The following GAS7 variants were observed in gnomAD, a reference collection of about 807,000 sequenced individuals.
The protein encoded by GAS7 is growth arrest-specific protein 7.
In GAS7, 28 loss-of-function variants were observed where a neutral mutation model predicts 71.1. The ratio of observed to expected loss-of-function variants is 0.39; its 90% confidence interval spans 0.29 to 0.54. The LOEUF (loss-of-function observed/expected upper bound fraction) is 0.54, where lower values mean the gene tolerates loss of function less well. Ranked by LOEUF, GAS7 falls within the 20% of genes least tolerant of loss-of-function variation. The probability of loss-of-function intolerance (pLI) is 0.62; values close to 1 mark genes in which losing one functional copy is unlikely to be tolerated. For missense variants in GAS7, 436 were observed against 627.8 expected, an observed-to-expected ratio of 0.69 and a Z score of 3.27; for synonymous variants, 258 against 245.8, an observed-to-expected ratio of 1.05 and a Z score of -0.46.
chr17:10,198,360 G>A lies in GAS7; in HGVS notation c.31C>T (p.Pro11Ser), dbSNP rs1294805086. The change falls in exon 1 of 14, where the codon CCC becomes TCC. Residue 11 changes from proline (P) to serine (S), a missense_variant. Pro to Ser is a moderately conservative substitution (Grantham distance 74). Transcript: ENST00000432992. ...TGGCCGTGCCGCTCCCCGGAGAAGG[G>A]GTACAGGGTCCGGCAGCGAGCGCCG... MSGARCRTLYPFSGERHGQGL... is the reference protein window; with the variant it reads MSGARCRTLYSFSGERHGQGL... 1.9e-6 allele frequency: 3 copies of A among 1,596,328 alleles called. No individual in the cohort carries two copies. Among genetic ancestry groups the A allele is most frequent in the Non-Finnish European group, 2.5e-6 (3 of 1,178,128 alleles).
chr17:9,947,036 G>A, intron 5 of GAS7, 53 bp from the exon 6 acceptor site: 1 of 1,247,364 alleles, frequency 8.0e-7, no homozygotes, highest in Non-Finnish European at 1.2e-6. Flanking sequence ...GGAATAGCGA[G>A]GAAGGCTTCG....
intron 1 of GAS7, among the ~76,000 whole-genome samples, chr17:10,137,422 T>C (rs2074047617): frequency 6.6e-6 from 1 of 151,768 alleles, no homozygotes; most frequent in Non-Finnish European, 1.5e-5. Context: ...ATAGCTTAGC[T>C]GACATGTATA....
intron 1 of GAS7, among the ~76,000 whole-genome samples, chr17:10,139,420 G>A (rs1352344239): frequency 1.3e-5 from 2 of 152,134 alleles, no homozygotes; most frequent in Middle Eastern, 3.2e-3. Flanking sequence ...ACTGTGAAAG[G>A]TCTGAGATTT....
chr17:10,039,451 G>A (rs534078230), intron 1 of GAS7, among the ~76,000 whole-genome samples: 2 of 152,220 alleles, frequency 1.3e-5, no homozygotes, highest in African/African-American at 2.4e-5. Flanking sequence ...GAAGGCTGAG[G>A]TAGGTGGATC....
intron 1 of GAS7, among the ~76,000 whole-genome samples, chr17:10,194,657 A>G (rs577033924): frequency 2.0e-4 from 30 of 152,162 alleles, no homozygotes; most frequent in Admixed American, 3.9e-4. Context: ...CTCTTCCTCT[A>G]CCATATCTCT....
intron 3 of GAS7, among the ~76,000 whole-genome samples, chr17:9,976,891 C>A (rs1487605719): frequency 6.6e-6 from 1 of 152,202 alleles, no homozygotes; most frequent in East Asian, 1.9e-4. Context: ...CACATTTGCA[C>A]TGTTGACACA....
intron 1 of GAS7, among the ~76,000 whole-genome samples, chr17:10,137,100 C>G (rs1215393285): frequency 6.9e-6 from 1 of 145,478 alleles, no homozygotes; most frequent in Admixed American, 7.0e-5. Context: ...GGCAACCGAG[C>G]GAGACCCAGC....
At chr17:9,921,211 C>A (rs2067795005) in intron 11 of GAS7, among the ~76,000 whole-genome samples, 1 of 147,970 alleles carries the variant, frequency 6.8e-6, no homozygotes, top group Non-Finnish European at 1.5e-5. Context: ...GGCTGGAGTG[C>A]AGTGGCGCAA....
At chr17:10,003,270 G>C (rs554767287) in intron 2 of GAS7, among the ~76,000 whole-genome samples, 1 of 152,218 alleles carries the variant, frequency 6.6e-6, no homozygotes. Context: ...GCATGGCCCA[G>C]AGGGGCAGTA....
intron 1 of GAS7, among the ~76,000 whole-genome samples, chr17:10,155,107 C>T (rs1418842110): frequency 1.3e-5 from 2 of 151,988 alleles, no homozygotes; most frequent in East Asian, 1.9e-4. Context: ...CTCCGCCTCC[C>T]GGGTTCAAGC....
chr17:10,052,366 G>A (rs2073074159), intron 1 of GAS7, among the ~76,000 whole-genome samples: 1 of 152,228 alleles, frequency 6.6e-6, no homozygotes, highest in African/African-American at 2.4e-5. Flanking sequence ...GAAGGTAACA[G>A]GAGATTGCCA....
At chr17:10,134,495 A>AC (rs1031148106) in intron 1 of GAS7, among the ~76,000 whole-genome samples, 2 of 152,012 alleles carry the variant, frequency 1.3e-5, no homozygotes, top group Non-Finnish European at 2.9e-5. Context: ...TTTTTGTGGA[A>AC]CCTCCATCCT....
chr17:10,128,822 T>C (rs2142084658), intron 1 of GAS7, among the ~76,000 whole-genome samples: 1 of 146,518 alleles, frequency 6.8e-6, no homozygotes, highest in East Asian at 2.1e-4. Flanking sequence ...GTTTTCACCG[T>C]GTTAGCCAGG....
At position 10,005,139 on chromosome 17, in the gene GAS7, G is replaced by GCA. The variant is rs1567879699; in HGVS notation, c.304+14637_304+14638insTG. On this transcript the variant is annotated intron_variant, in intron 2 of 13. Coordinates refer to ENST00000432992, the MANE Select transcript of GAS7 (RefSeq NM_201433.2). ...TGTGCACGCATACCAGCATGTGTGCGCGCACGCATGCATGCATGTGTGTGC... is the reference window on the plus strand; with the variant it reads ...TGTGCACGCATACCAGCATGTGTGCGCACGCACGCATGCATGCATGTGTGTGC... Among the ~76,000 whole-genome samples the GCA allele has an allele frequency of 6.2e-3, 243 of 38,936 alleles. 1 individual carries two copies. The highest frequency in any genetic ancestry group is 0.018 in the African/African-American group (230 of 13,116). 25.5% of individuals were successfully genotyped at this position (38,936 alleles called of 152,430 possible).
At chr17:10,121,175 G>A (rs1467310490) in intron 1 of GAS7, among the ~76,000 whole-genome samples, 1 of 152,224 alleles carries the variant, frequency 6.6e-6, no homozygotes, top group Non-Finnish European at 1.5e-5. Context: ...GAGGTCGGGA[G>A]TTTGAGACCA....
At chr17:10,046,161 T>C (rs769914216) in intron 1 of GAS7, among the ~76,000 whole-genome samples, 2 of 151,808 alleles carry the variant, frequency 1.3e-5, no homozygotes, top group Non-Finnish European at 2.9e-5. Flanking sequence ...AAACTGAACT[T>C]GAATTCTCTA....
intron 12 of GAS7, among the ~76,000 whole-genome samples, 192 bp from the exon 13 acceptor site, chr17:9,918,291 C>A (rs1392017308): frequency 2.3e-5 from 1 of 43,820 alleles, no homozygotes; most frequent in Non-Finnish European, 4.2e-5. Flanking sequence ...GGCTGTTTTA[C>A]TTCCTGAAAT....
intron 2 of GAS7, among the ~76,000 whole-genome samples, chr17:10,016,602 C>CAAA (rs1158379710): frequency 0.022 from 1,850 of 84,448 alleles, 59 homozygotes; most frequent in African/African-American, 0.058. Flanking sequence ...CTGTCTCTAC[C>CAAA]AAAAAAAAAA....
chr17:10,058,447 G>A lies in GAS7; in HGVS notation c.184-38550C>T, dbSNP rs188467564. Among the ~76,000 whole-genome samples the A allele has an allele frequency of 6.0e-3, 882 of 147,262 alleles. 6 individuals are homozygous for A. Among genetic ancestry groups the A allele is most frequent in the African/African-American group, 0.019 (757 of 39,054 alleles). On this transcript the variant is annotated intron_variant, in intron 1 of 13. Coordinates refer to ENST00000432992, the MANE Select transcript of GAS7 (RefSeq NM_201433.2). ...AGCCTGGGCTACAGAGCGAGACTCCGTCTCAAAAAAAAAAAAAAAATCTGT... is the reference window on the plus strand; with the variant it reads ...AGCCTGGGCTACAGAGCGAGACTCCATCTCAAAAAAAAAAAAAAAATCTGT...
Sources: gnomAD v4.1 joint callset for allele counts (sites outside exome capture counted in the v4.1 genomes callset) on GRCh38, gnomAD v4.1.1 for gene constraint, MANE v1.5 for transcripts, NCBI Gene and HGNC (gene_info 2026-07-23, HGNC 2026-07-21) for gene names.